Variants in ARHGAP29 observed in about 807,000 individuals in gnomAD.
The protein encoded by ARHGAP29 is rho GTPase-activating protein 29.
A neutral mutation model predicts 122.6 loss-of-function variants in ARHGAP29; 43 were observed. That is an observed-to-expected ratio of 0.35 (90% CI 0.27 to 0.45). The LOEUF is 0.45. Among genes scored for constraint, ARHGAP29 ranks in the 20% least tolerant of loss-of-function variants. The pLI is 1.00. For synonymous variants in ARHGAP29, 506 were observed against 497.1 expected (o/e 1.02, Z -0.24); for missense variants, 1,303 against 1,477.2 (o/e 0.88, Z 1.93).
At chr1:94,277,391 C>T (rs1182294032), upstream of ARHGAP29, among the ~76,000 whole-genome samples, 1 of 152,158 alleles carries the variant, frequency 6.6e-6, no homozygotes, top group Admixed American at 6.6e-5. Flanking sequence ...TTTGGCTGTA[C>T]TGAATGAGAC....
At chr1:94,261,014 A>C (rs746552869) in intron 1 of ARHGAP29, among the ~76,000 whole-genome samples, 3 of 152,062 alleles carry the variant, frequency 2.0e-5, no homozygotes. Flanking sequence ...CACCCCCATT[A>C]ACTAAGGTAA....
chr1:94,212,844 C>T (rs1396837473), intron 3 of ARHGAP29, among the ~76,000 whole-genome samples: 2 of 152,126 alleles, frequency 1.3e-5, no homozygotes, highest in Admixed American at 6.5e-5. Flanking sequence ...AAGTCTTTGG[C>T]TCCTTTCCAC....
chr1:94,262,555 C>CA (rs1361971415), intron 1 of ARHGAP29, among the ~76,000 whole-genome samples: 2 of 151,704 alleles, frequency 1.3e-5, no homozygotes, highest in East Asian at 3.9e-4. Flanking sequence ...AAATTTATAG[C>CA]AAAAAAACCA....
At position 94,237,383 on chromosome 1, in the gene ARHGAP29, G is replaced by A. The variant is rs1464794310; in HGVS notation, c.-33+32C>T. 4 of 984,532 alleles carry A rather than the reference G, an allele frequency of 4.1e-6. No individual in the cohort carries two copies. The African/African-American group carries it at 7.0e-5, about 17-fold the overall frequency. The allele number at this position is 984,532 out of a possible 1,614,324, so 61.0% of individuals were successfully genotyped here. Reference sequence around the variant, plus strand: ...CCCAGCCCGGAGCCACGACCGCCGCGGCCGGAGCAAGCGCCACCTCCTCAC... The same window carrying A: ...CCCAGCCCGGAGCCACGACCGCCGCAGCCGGAGCAAGCGCCACCTCCTCAC... On this transcript the variant is annotated intron_variant, in intron 1 of 22. Transcript: ENST00000260526.
chr1:94,286,817 G>T, the ARHGAP29 span, among the ~76,000 whole-genome samples: 3 of 152,180 alleles, frequency 2.0e-5, no homozygotes, highest in African/African-American at 7.2e-5. Flanking sequence ...AGAAAGTTGG[G>T]TACCAGTGAC....
chr1:94,308,330 A>G, the ARHGAP29 span, among the ~76,000 whole-genome samples: 1 of 152,062 alleles, frequency 6.6e-6, no homozygotes, highest in Non-Finnish European at 1.5e-5. Context: ...CCCCTTCCCC[A>G]TCCGCTGCTT....
At chr1:94,273,296 G>A (rs1655061481) in intron 1 of ARHGAP29, among the ~76,000 whole-genome samples, 1 of 152,212 alleles carries the variant, frequency 6.6e-6, no homozygotes, top group African/African-American at 2.4e-5. Context: ...CTTTGCACGA[G>A]CTAGTCTGCA....
the ARHGAP29 span, among the ~76,000 whole-genome samples, chr1:94,305,339 T>G: frequency 2.7e-4 from 41 of 152,338 alleles, no homozygotes; most frequent in Middle Eastern, 3.4e-3. Context: ...CTGGTCAGTT[T>G]CTGTTCTTTA....
chr1:94,183,786 T>C (rs1369495487), intron 19 of ARHGAP29, among the ~76,000 whole-genome samples: 2 of 152,212 alleles, frequency 1.3e-5, no homozygotes, highest in Non-Finnish European at 2.9e-5. Flanking sequence ...AGCTTAACAA[T>C]ACATTGTTTA....
chr1:94,260,321 C>G lies in ARHGAP29; in HGVS notation c.-33+14691G>C, dbSNP rs567581588. ...TCTAAAGACAGATCCCTTCCTTTCT[C>G]TTACCCCCAGAGGGGCCCTGCCTCA... On this transcript the variant is annotated intron_variant and NMD_transcript_variant, in intron 1 of 25. Coordinates refer to the ARHGAP29 transcript ENST00000552844. Among the ~76,000 whole-genome samples, 18 of 152,324 alleles carry G rather than the reference C, an allele frequency of 1.2e-4. No individual in the cohort carries two copies. In the South Asian group the frequency reaches 3.5e-3, roughly 30 times the overall value.
chr1:94,279,124 T>C (rs1223663213), upstream of ARHGAP29, among the ~76,000 whole-genome samples: 20 of 152,222 alleles, frequency 1.3e-4, no homozygotes, highest in Admixed American at 1.3e-3. Context: ...TCCTTTTGGC[T>C]AGGTTCACTA....
intron 1 of ARHGAP29, among the ~76,000 whole-genome samples, chr1:94,270,872 G>A (rs1654962750): frequency 6.6e-6 from 1 of 152,202 alleles, no homozygotes; most frequent in Non-Finnish European, 1.5e-5. Context: ...ACAGAGAATG[G>A]CCCCAAATGG....
intron 12 of ARHGAP29, chr1:94,193,761 T>C (rs1039716338): frequency 2.0e-5 from 3 of 152,192 alleles, no homozygotes; most frequent in African/African-American, 7.2e-5. Context: ...AGTGAATCCA[T>C]TACCAGCAGA....
intron 1 of ARHGAP29, among the ~76,000 whole-genome samples, chr1:94,260,703 G>A (rs753502935): frequency 1.8e-4 from 28 of 152,262 alleles, no homozygotes; most frequent in Non-Finnish European, 3.7e-4. Flanking sequence ...GATAGCAGGC[G>A]CCATTAGTGA....
chr1:94,275,255 T>G (rs956192307), upstream of ARHGAP29, among the ~76,000 whole-genome samples: 1 of 152,224 alleles, frequency 6.6e-6, no homozygotes, highest in Non-Finnish European at 1.5e-5. Flanking sequence ...GCATTTAGCC[T>G]TTCCAGCCAA....
At position 94,170,464 on chromosome 1, in the gene ARHGAP29, T is replaced by C. The variant is rs1648658405; in HGVS notation, c.*3405A>G. ...TGAAACAAGAGATAGGGCAACTAAA[T>C]GCACTATGTGGTCCTGGATTGGGAT... On this transcript the variant is annotated 3_prime_UTR_variant, in exon 23 of 23. Transcript: ENST00000260526. 6.6e-6 allele frequency among the ~76,000 whole-genome samples: 1 copy of C among 152,180 alleles called. No individual in the cohort carries two copies. The highest frequency in any genetic ancestry group is 1.5e-5 in the Non-Finnish European group (1 of 68,036).
intron 2 of ARHGAP29, among the ~76,000 whole-genome samples, chr1:94,228,023 G>A (rs1043100365): frequency 4.6e-5 from 7 of 151,652 alleles, no homozygotes; most frequent in Admixed American, 6.6e-5. Flanking sequence ...GTTAAGTAGT[G>A]GAAAGAGAAT....
At chr1:94,283,209 G>A in the ARHGAP29 span, among the ~76,000 whole-genome samples, 1 of 152,096 alleles carries the variant, frequency 6.6e-6, no homozygotes, top group African/African-American at 2.4e-5. Context: ...CAAGTAACCA[G>A]CCATTAGTTT....
At chr1:94,233,255 C>G (rs1209133238) in intron 1 of ARHGAP29, among the ~76,000 whole-genome samples, 1 of 152,034 alleles carries the variant, frequency 6.6e-6, no homozygotes, top group Non-Finnish European at 1.5e-5. Flanking sequence ...GCCTGGCCCA[C>G]TAGGAAGTTT....
Sources: gnomAD v4.1 joint callset for allele counts (sites outside exome capture counted in the v4.1 genomes callset) on GRCh38, gnomAD v4.1.1 for gene constraint, MANE v1.5 for transcripts, NCBI Gene and HGNC (gene_info 2026-07-23, HGNC 2026-07-21) for gene names.